CPZ: variants seen among roughly 807,000 people sequenced by gnomAD.
The protein encoded by CPZ is VEZT/CPZ fusion.
Under a neutral mutation model 61.8 loss-of-function variants are expected in CPZ, and 103 were observed. The ratio of observed to expected loss-of-function variants is 1.67; its 90% confidence interval spans 1.42 to 1.96. CPZ has a LOEUF of 1.96. Ranked by LOEUF, CPZ falls within the 30% of genes most tolerant of loss-of-function variation. CPZ has a pLI of 0.00. For synonymous variants in CPZ, 551 were observed against 373.7 expected (o/e 1.47, Z -5.47); for missense variants, 1,461 against 914.9 (o/e 1.60, Z -7.70).
chr4:8,608,170 C>G (rs1346419044), intron 7 of CPZ, among the ~76,000 whole-genome samples: 1 of 139,344 alleles, frequency 7.2e-6, no homozygotes, highest in Non-Finnish European at 1.6e-5. Context: ...GCTGCGGATC[C>G]TGGAGCTTAG....
At chr4:8,598,830 C>T (rs942237040) in intron 1 of CPZ, among the ~76,000 whole-genome samples, 30 of 152,166 alleles carry the variant, frequency 2.0e-4, no homozygotes, top group African/African-American at 6.8e-4. Context: ...AAAGGGCCCT[C>T]GAAACCCCAC....
intron 7 of CPZ, among the ~76,000 whole-genome samples, chr4:8,609,310 CATGCACTT>C (rs1715435824): frequency 8.0e-6 from 1 of 125,750 alleles, no homozygotes; most frequent in African/African-American, 2.6e-5. Context: ...TCCATTCACT[CATGCACTT>C]ATTCACTCAC....
intron 8 of CPZ, among the ~76,000 whole-genome samples, chr4:8,613,370 T>A (rs192577041): frequency 8.7e-4 from 133 of 152,308 alleles, no homozygotes; most frequent in African/African-American, 3.0e-3. Flanking sequence ...GACCTCGTGA[T>A]CCGCCTGCCT....
At chr4:8,615,477 A>G (rs1716086044) in intron 9 of CPZ, among the ~76,000 whole-genome samples, 2 of 152,228 alleles carry the variant, frequency 1.3e-5, no homozygotes, top group South Asian at 4.1e-4. Context: ...GCCCAGTGAG[A>G]AGCAGGCCTC....
At chr4:8,599,770 G>A (rs540477390) in intron 2 of CPZ, 158 of 560,562 alleles carry the variant, frequency 2.8e-4, no homozygotes, top group Non-Finnish European at 4.3e-4. Context: ...GCAGTCACAC[G>A]TCCTGCATTT....
rs563139559 is a variant in CPZ at position 8,598,721 on chromosome 4, C to A, written c.89-732C>A. Among the ~76,000 whole-genome samples, 373 of 152,366 alleles carry A rather than the reference C, an allele frequency of 2.4e-3. 3 individuals are homozygous for A. Among genetic ancestry groups the A allele is most frequent in the Non-Finnish European group, 3.5e-3 (239 of 68,040 alleles). On this transcript the variant is annotated intron_variant, in intron 1 of 10. Coordinates refer to ENST00000360986, the MANE Select transcript of CPZ (RefSeq NM_001014447.3). ...CCTGATGCACACAGAGCCTTGGGTC[C>A]CACTTCATACAGGGCCCTTAGCAGC...
rs773908875 is a variant in CPZ at position 8,601,189 on chromosome 4, A to G, written c.188A>G (p.Asn63Ser). 14 of 1,611,638 alleles carry G rather than the reference A, an allele frequency of 8.7e-6. No individual in the cohort carries two copies. Among genetic ancestry groups the G allele is most frequent in the African/African-American group, 2.7e-5 (2 of 74,984 alleles). ...GCCTACAACCACACCACCTTCCCCA[A>G]CCTGCTTCAGCACCGGTCGTGGGAG... Reference protein sequence around the residue: ...DAAYNHTTFPNLLQHRSWEVV... With the variant: ...DAAYNHTTFPSLLQHRSWEVV... Residue 63 changes from asparagine to serine, a missense_variant, in exon 3 of 11, where the codon AAC becomes AGC. Coordinates refer to ENST00000360986, the MANE Select transcript of CPZ (RefSeq NM_001014447.3).
chr4:8,609,215 T>TCCC (rs1560298181), intron 7 of CPZ, among the ~76,000 whole-genome samples: 239 of 39,582 alleles, frequency 6.0e-3, no homozygotes, highest in African/African-American at 0.014. Context: ...CACTTACTCA[T>TCCC]TCACTTACTC....
chr4:8,599,678 A>G, intron 2 of CPZ, 193 bp downstream of exon 2: 2 of 1,414,630 alleles, frequency 1.4e-6, no homozygotes, highest in Non-Finnish European at 9.3e-7. Context: ...CCAGCTAGGA[A>G]AAGGTGCACC....
intron 9 of CPZ, among the ~76,000 whole-genome samples, chr4:8,616,293 G>T (rs554020767): frequency 3.3e-5 from 5 of 152,138 alleles, no homozygotes; most frequent in Non-Finnish European, 7.3e-5. Context: ...GGGGAGGGGC[G>T]GCGTGGCAGC....
rs201020834 is a variant in CPZ at position 8,614,455 on chromosome 4, T to A, written c.1460T>A (p.Leu487His). The A allele has an allele frequency of 1.1e-4, 182 of 1,613,856 alleles. 1 individual carries two copies. Among genetic ancestry groups the A allele is most frequent in the South Asian group, 2.0e-4 (18 of 91,074 alleles). Residue 487 changes from leucine (L) to histidine (H), a missense_variant, in exon 9 of 11, where the codon CTC becomes CAC. Transcript: ENST00000360986. Reference protein sequence around the residue: ...KFPPEEALYILWQHNKESLLN... With the variant: ...KFPPEEALYIHWQHNKESLLN... ...CCCCCCGAGGAGGCCCTGTACATAC[T>A]CTGGCAGCACAACAAGGAGTCACTC...
chr4:8,616,112 C>T (rs1451576777), intron 9 of CPZ, among the ~76,000 whole-genome samples: 1 of 152,216 alleles, frequency 6.6e-6, no homozygotes, highest in East Asian at 1.9e-4. Context: ...TTACAGCAAG[C>T]GTGGACCTTG....
In CPZ at chr4:8,619,490, G is replaced by T. The variant is rs1293066442; in HGVS notation, c.1832G>T (p.Gly611Val). The change falls in exon 11 of 11, where the codon GGG becomes GTG. Residue 611 changes from glycine (G) to valine (V), a missense_variant. Transcript: ENST00000360986. ...CCACTGGGAGGTGCCAGCTCTTTGG[G>T]GGAGGCCACGGAGCCCGACCCGCTC... ...HDPLGGASSL[G>V]EATEPDPLRA... 3.1e-6 allele frequency: 5 copies of T among 1,607,948 alleles called. No individual in the cohort carries two copies. Among genetic ancestry groups the T allele is most frequent in the African/African-American group, 2.7e-5 (2 of 74,776 alleles).
At chr4:8,599,269 GC>G (rs1714397705) in intron 1 of CPZ, among the ~76,000 whole-genome samples, 183 bp from the exon 2 acceptor site, 1 of 152,252 alleles carries the variant, frequency 6.6e-6, no homozygotes, top group Admixed American at 6.5e-5. Flanking sequence ...CAGCTTTCAT[GC>G]CTGGGAAATG....
intron 8 of CPZ, among the ~76,000 whole-genome samples, chr4:8,612,402 G>A (rs1321339389): frequency 2.6e-5 from 4 of 152,216 alleles, no homozygotes; most frequent in African/African-American, 9.7e-5. Context: ...TTTATTTCAT[G>A]AACACTCAAA....
chr4:8,618,353 G>C (rs1183356712), intron 9 of CPZ, 76 bp from the exon 10 acceptor site: 4 of 1,406,476 alleles, frequency 2.8e-6, no homozygotes, highest in African/African-American at 1.4e-5. Flanking sequence ...AGGAGCATGT[G>C]GGGAACGAGC....
In CPZ at chr4:8,612,104, C is replaced by G. The variant is rs1715751182; in HGVS notation, c.1305C>G (p.Gly435=). ...MMDRSENRCG[G]NFLKRGSIIN... ...ACAGGTCGGAGAATAGGTGTGGAGG[C>G]AATTTCCTGAAGAGGGGGAGCATCA... Residue 435 remains glycine, a synonymous_variant, in exon 8 of 11, where the codon GGC becomes GGG. Transcript: ENST00000360986. 1 of 1,605,546 alleles carries G rather than the reference C, an allele frequency of 6.2e-7. No homozygotes were observed. The highest frequency in any genetic ancestry group is 1.3e-5 in the African/African-American group (1 of 74,226).
Position 8,618,489 on chromosome 4 carries a change from C to T in CPZ, c.1564C>T (p.Arg522Trp), listed in dbSNP as rs770247144. The T allele has an allele frequency of 6.0e-5, 97 of 1,614,028 alleles. No homozygotes were observed. Among genetic ancestry groups the T allele is most frequent in the African/African-American group, 9.3e-5 (7 of 74,946 alleles). The change falls in exon 10 of 11, where the codon CGG becomes TGG. Residue 522 changes from arginine to tryptophan, a missense_variant. By Grantham distance (101) the Arg-to-Trp change is moderately radical (BLOSUM62 -3). Transcript: ENST00000360986. ...ATTCGGCAAGCCAGTCAAAAACGCC[C>T]GGATCTCAGTCAAAGGCATTCGCCA... ...DKFGKPVKNA[R>W]ISVKGIRHDI...
At chr4:8,598,196 A>T (rs1714318156) in intron 1 of CPZ, among the ~76,000 whole-genome samples, 1 of 152,206 alleles carries the variant, frequency 6.6e-6, no homozygotes, top group Non-Finnish European at 1.5e-5. Context: ...TCCCCATCCC[A>T]CAAGAGCTCT....
Sources: allele counts gnomAD v4.1 joint callset (sites outside exome capture counted in the v4.1 genomes callset), GRCh38; gene constraint gnomAD v4.1.1; transcripts MANE v1.5; gene names NCBI Gene and HGNC (gene_info 2026-07-23, HGNC 2026-07-21).